The following COL4A2 variants were observed in gnomAD, a reference collection of about 807,000 sequenced individuals.
COL4A2 encodes collagen type IV alpha 2 chain.
In COL4A2, 99 loss-of-function variants were observed where a neutral mutation model predicts 200.2. The observed-to-expected ratio is 0.49, with a 90% CI of 0.42 to 0.58. The LOEUF is 0.58. Among genes scored for constraint, COL4A2 ranks in the 20% least tolerant of loss-of-function variants. The pLI, the probability that COL4A2 is intolerant of heterozygous loss-of-function variation, is 0.00. For missense variants in COL4A2, 1,950 were observed against 2,314.1 expected (o/e 0.84, Z 3.23); for synonymous variants, 897 against 900.6 (o/e 1.00, Z 0.07).
intron 18 of COL4A2, among the ~76,000 whole-genome samples, chr13:110,447,558 T>C (rs1302348510): frequency 6.6e-6 from 1 of 151,972 alleles, no homozygotes; most frequent in Non-Finnish European, 1.5e-5. Flanking sequence ...CGCATCCTTC[T>C]AGGTTAAAAA....
chr13:110,314,574 C>T (rs61964286), intron 3 of COL4A2, among the ~76,000 whole-genome samples: 14,717 of 152,238 alleles, frequency 0.097, 919 homozygotes, highest in Middle Eastern at 0.23. Flanking sequence ...TGCAGCACCA[C>T]ATGGGAGGCC....
At chr13:110,490,733 C>T (rs767332418) in intron 36 of COL4A2, among the ~76,000 whole-genome samples, 77 of 152,202 alleles carry the variant, frequency 5.1e-4, no homozygotes, top group Non-Finnish European at 1.0e-3. Context: ...AACACAGAAA[C>T]GTGGACCATC....
At chr13:110,329,793 G>A (rs1414348063) in intron 3 of COL4A2, among the ~76,000 whole-genome samples, 2 of 152,172 alleles carry the variant, frequency 1.3e-5, no homozygotes, top group Non-Finnish European at 2.9e-5. Flanking sequence ...ACCACCCCAT[G>A]AAAGAGACAG....
intron 3 of COL4A2, among the ~76,000 whole-genome samples, chr13:110,353,285 G>A (rs1877041673): frequency 6.6e-6 from 1 of 152,218 alleles, no homozygotes; most frequent in Admixed American, 6.5e-5. Flanking sequence ...GGGGTGAGCA[G>A]AGATTTGAGG....
At position 110,395,118 on chromosome 13, in the gene COL4A2, T is replaced by G. The variant is rs376021814; in HGVS notation, c.181-29616T>G. Among the ~76,000 whole-genome samples, 42 of 152,308 alleles carry G rather than the reference T, an allele frequency of 2.8e-4. 1 individual carries two copies. The South Asian group carries it at 7.7e-3, about 28-fold the overall frequency. ...CAGAGGTCAACAGTGGAGACCTGTC[T>G]CCTCCTGGGAGGACTGGATCTCATA... On this transcript the variant is annotated intron_variant, in intron 4 of 47. Transcript: ENST00000360467.
chr13:110,438,800 C>A, intron 15 of COL4A2, 132 bp downstream of exon 15: 2 of 817,734 alleles, frequency 2.4e-6, no homozygotes, highest in Admixed American at 2.2e-5. Context: ...TTATTACTCC[C>A]CACCCCCCCC....
chr13:110,438,139 G>A (rs1224156022), intron 14 of COL4A2, 102 bp downstream of exon 14: 22 of 859,254 alleles, frequency 2.6e-5, no homozygotes, highest in East Asian at 4.9e-5. Flanking sequence ...CCCGCACACC[G>A]CCAGTCTCTC....
At chr13:110,369,712 G>A (rs1308504022) in intron 4 of COL4A2, among the ~76,000 whole-genome samples, 1 of 151,948 alleles carries the variant, frequency 6.6e-6, no homozygotes, top group Admixed American at 6.6e-5. Flanking sequence ...CACCCTTCCC[G>A]CCTCAGCTTA....
At chr13:110,442,087 C>CG (rs1157462173) in intron 16 of COL4A2, among the ~76,000 whole-genome samples, 2 of 47,626 alleles carry the variant, frequency 4.2e-5, no homozygotes, top group Non-Finnish European at 7.5e-5. Context: ...CTCTCTGTCT[C>CG]AAAAAAAAAA....
In COL4A2 at chr13:110,505,110, G is replaced by A. The variant is rs373276764; in HGVS notation, c.4402+846G>A. 7.0e-4 allele frequency among the ~76,000 whole-genome samples: 106 copies of A among 152,046 alleles called. 1 individual carries two copies. The East Asian group carries it at 0.018, about 25-fold the overall frequency. Reference sequence around the variant, plus strand: ...TCACGCCTGTAATCCCAGCACTTTGGGAGGCTGAGGTGGGCGGATCACAAG... The same window carrying A: ...TCACGCCTGTAATCCCAGCACTTTGAGAGGCTGAGGTGGGCGGATCACAAG... On this transcript the variant is annotated intron_variant, in intron 45 of 47. Transcript: ENST00000360467.
At chr13:110,318,349 C>T (rs1885196123) in intron 3 of COL4A2, among the ~76,000 whole-genome samples, 2 of 152,064 alleles carry the variant, frequency 1.3e-5, no homozygotes, top group Admixed American at 1.3e-4. Context: ...AATATCTGAC[C>T]CAACTTTACT....
intron 6 of COL4A2, among the ~76,000 whole-genome samples, chr13:110,426,723 T>A (rs543166930): frequency 2.0e-4 from 31 of 152,274 alleles, no homozygotes; most frequent in African/African-American, 6.3e-4. Flanking sequence ...TTCAAATAGA[T>A]CAGTTCTAAG....
At chr13:110,461,927 G>C in intron 22 of COL4A2, 187 bp from the exon 23 acceptor site, 1 of 760,928 alleles carries the variant, frequency 1.3e-6, no homozygotes, top group Non-Finnish European at 2.1e-6. Flanking sequence ...ACTGTGGCCA[G>C]TGGCCCCACA....
chr13:110,386,003 C>CAGTGTGTCGATGGGCCGTGGTT (rs1566505780), intron 4 of COL4A2, among the ~76,000 whole-genome samples: 4 of 6,964 alleles, frequency 5.7e-4, no homozygotes, highest in African/African-American at 6.2e-4. Context: ...GGGCCGTGGT[C>CAGTGTGTCGATGGGCCGTGGTT]ACAGCGTGTG....
At chr13:110,339,266 G>C (rs1212802153) in intron 3 of COL4A2, among the ~76,000 whole-genome samples, 3 of 152,224 alleles carry the variant, frequency 2.0e-5, no homozygotes, top group Non-Finnish European at 4.4e-5. Flanking sequence ...ACTGAATTCT[G>C]ATGGACAGTA....
chr13:110,423,052 C>T (rs905995503), intron 4 of COL4A2, among the ~76,000 whole-genome samples: 1 of 152,006 alleles, frequency 6.6e-6, no homozygotes, highest in African/African-American at 2.4e-5. Flanking sequence ...CCCCCTCAAT[C>T]TCAGGGCAAG....
chr13:110,464,035 G>T (rs757886357), intron 24 of COL4A2, among the ~76,000 whole-genome samples: 6 of 152,160 alleles, frequency 3.9e-5, no homozygotes, highest in Non-Finnish European at 7.3e-5. Context: ...AGTGTCATGT[G>T]GGGTGGGGGT....
chr13:110,465,952 C>A, intron 25 of COL4A2, 51 bp from the exon 26 acceptor site: 1 of 1,600,356 alleles, frequency 6.2e-7, no homozygotes, highest in Middle Eastern at 1.7e-4. Flanking sequence ...GAGCCAGTAA[C>A]TCTTATCTGT....
intron 4 of COL4A2, among the ~76,000 whole-genome samples, chr13:110,404,672 AG>A (rs1444892118): frequency 6.6e-6 from 1 of 152,236 alleles, no homozygotes; most frequent in Non-Finnish European, 1.5e-5. Context: ...CTGATTAAGA[AG>A]GAGTCCAGGA....
Sources: allele counts gnomAD v4.1 joint callset (sites outside exome capture counted in the v4.1 genomes callset), GRCh38; gene constraint gnomAD v4.1.1; transcripts MANE v1.5; gene names NCBI Gene and HGNC (gene_info 2026-07-23, HGNC 2026-07-21).